WARS2: variants seen among roughly 807,000 people sequenced by gnomAD.
The protein encoded by WARS2 is tryptophan--tRNA ligase, mitochondrial.
WARS2 carries 28 observed loss-of-function variants against 36.5 expected under a neutral mutation model. The ratio of observed to expected loss-of-function variants is 0.77; its 90% CI spans 0.57 to 1.05. The LOEUF (loss-of-function observed/expected upper bound fraction) is 1.05, where lower values mean the gene tolerates loss of function less well. Among genes scored for constraint, WARS2 ranks in the 50% least tolerant of loss-of-function variants. The pLI is 0.00. For synonymous variants in WARS2, 174 were observed against 178.4 expected (o/e 0.98, Z 0.20); for missense variants, 435 against 456.8 (o/e 0.95, Z 0.44).
chr1:119,043,704 C>T (rs987113652), intron 3 of WARS2, among the ~76,000 whole-genome samples: 2 of 152,084 alleles, frequency 1.3e-5, no homozygotes, highest in African/African-American at 4.8e-5. Context: ...TGAAGAAGAA[C>T]CCAATTTTTA....
intron 1 of WARS2, among the ~76,000 whole-genome samples, chr1:119,123,118 A>G (rs587700291): frequency 6.6e-6 from 1 of 152,284 alleles, no homozygotes; most frequent in Non-Finnish European, 1.5e-5. Flanking sequence ...AGTGTTAAGA[A>G]CTCTGAGGAC....
At chr1:119,131,353 G>C (rs1656078462) in intron 1 of WARS2, among the ~76,000 whole-genome samples, 2 of 152,106 alleles carry the variant, frequency 1.3e-5, no homozygotes, top group Admixed American at 6.5e-5. Flanking sequence ...AAAGGGAGTA[G>C]CTCCGAGGAA....
intron 2 of WARS2, chr1:119,063,700 G>T (rs1650593410): frequency 1.3e-5 from 2 of 152,266 alleles, no homozygotes; most frequent in Admixed American, 1.3e-4. Context: ...GAGGGTGGAA[G>T]CCCCAAGCCT....
intron 1 of WARS2, among the ~76,000 whole-genome samples, chr1:119,131,273 A>G (rs1656072652): frequency 6.6e-6 from 1 of 152,152 alleles, no homozygotes; most frequent in Admixed American, 6.5e-5. Flanking sequence ...AAAGAATGAT[A>G]GAGTACAGAC....
Position 119,050,019 on chromosome 1 carries a change from AT to A in WARS2, c.349-4358del, listed in dbSNP as rs964651504. 3.9e-5 allele frequency among the ~76,000 whole-genome samples: 6 copies of A among 152,194 alleles called. No homozygotes were observed. In the East Asian group the frequency reaches 7.7e-4, roughly 20 times the overall value. On this transcript the variant is annotated intron_variant, in intron 2 of 5. Transcript: ENST00000235521. Reference sequence around the variant, plus strand: ...GCTCAAAATCTTTCATGTACTTTTCATTTTTTCAGCGTAAAAGCCAGAGTCC... The same window carrying A: ...GCTCAAAATCTTTCATGTACTTTTCATTTTTCAGCGTAAAAGCCAGAGTCC...
intron 1 of WARS2, among the ~76,000 whole-genome samples, chr1:119,117,313 C>T (rs1655037221): frequency 6.6e-6 from 1 of 152,202 alleles, no homozygotes; most frequent in South Asian, 2.1e-4. Context: ...TTGCCTAACC[C>T]TGCACCCACC....
intron 2 of WARS2, among the ~76,000 whole-genome samples, chr1:119,055,718 AAGG>A (rs776691321): frequency 1.3e-5 from 2 of 150,138 alleles, no homozygotes; most frequent in African/African-American, 2.4e-5. Context: ...AGAGAGAGAG[AAGG>A]AGGAGGAGGA....
chr1:119,083,719 A>C (rs2101363585), intron 1 of WARS2, among the ~76,000 whole-genome samples: 1 of 152,338 alleles, frequency 6.6e-6, no homozygotes, highest in Non-Finnish European at 1.5e-5. Flanking sequence ...GTTATACGTA[A>C]GTAAAGAATA....
rs1334384225 is a variant in WARS2, at chr1:119,076,349, C to A, written c.348+1G>T. 1 of 1,613,964 alleles carries A rather than the reference C, an allele frequency of 6.2e-7. No individual in the cohort carries two copies. ...TCTCAGTTCTAATCTGAGAAGCTGA[C>A]CTGAGATTGTTGGAAAAGGATGCTT... On this transcript the variant is annotated splice_donor_variant, in intron 2 of 5. Transcript: ENST00000235521. LOFTEE classifies it high-confidence loss of function.
At chr1:119,114,924 G>A (rs991716356) in intron 1 of WARS2, among the ~76,000 whole-genome samples, 1 of 152,122 alleles carries the variant, frequency 6.6e-6, no homozygotes, top group East Asian at 1.9e-4. Flanking sequence ...AATCTCAGAG[G>A]AGACTAGAAG....
Position 119,078,897 on chromosome 1 carries a change from CGTGT to C in WARS2, c.91-2294_91-2291del, listed in dbSNP as rs144044142. Among the ~76,000 whole-genome samples the C allele has an allele frequency of 5.5e-4, 81 of 148,404 alleles. 1 individual carries two copies. Among genetic ancestry groups the C allele is most frequent in the African/African-American group, 1.8e-3 (71 of 40,482 alleles). On this transcript the variant is annotated intron_variant, in intron 1 of 5. Coordinates refer to ENST00000235521, the MANE Select transcript of WARS2 (RefSeq NM_015836.4). Reference sequence around the variant, plus strand: ...AATACCCTGCAGTTATGAAGGTGCACGTGTGTGTGTGTGTGTGTGTGTGCATATA... The same window carrying C: ...AATACCCTGCAGTTATGAAGGTGCACGTGTGTGTGTGTGTGTGTGCATATA...
In WARS2 at chr1:119,113,870, T is replaced by A. The variant is rs4659149; in HGVS notation, c.90+26685A>T. On this transcript the variant is annotated intron_variant, in intron 1 of 5. Coordinates refer to ENST00000235521, the MANE Select transcript of WARS2 (RefSeq NM_015836.4). ...CTCTGTAATTCTTTCAGCACACCTC[T>A]AGCTCTTTTCATTTACAATAATTAA... Among the ~76,000 whole-genome samples, 11 of 151,786 alleles carry A rather than the reference T, an allele frequency of 7.2e-5. No individual in the cohort carries two copies. The East Asian group carries it at 1.2e-3, about 16-fold the overall frequency.
chr1:119,080,744 T>A (rs1486326930), intron 1 of WARS2, among the ~76,000 whole-genome samples: 4 of 151,012 alleles, frequency 2.6e-5, no homozygotes, highest in Non-Finnish European at 5.9e-5. Flanking sequence ...GAATGTGGAG[T>A]TTGGGTGGTG....
intron 2 of WARS2, among the ~76,000 whole-genome samples, chr1:119,059,958 A>G (rs1382082557): frequency 2.0e-5 from 3 of 152,230 alleles, no homozygotes; most frequent in Non-Finnish European, 4.4e-5. Flanking sequence ...AGGAAGAGGA[A>G]GAGGATCAGG....
chr1:119,129,965 G>A (rs587723637), intron 1 of WARS2, among the ~76,000 whole-genome samples: 263 of 152,170 alleles, frequency 1.7e-3, no homozygotes, highest in Non-Finnish European at 3.1e-3. Flanking sequence ...CATTTATCAA[G>A]GTGCAAAGAA....
At chr1:119,040,467 A>G (rs915137119) in intron 4 of WARS2, among the ~76,000 whole-genome samples, 1 of 152,202 alleles carries the variant, frequency 6.6e-6, no homozygotes, top group Non-Finnish European at 1.5e-5. Flanking sequence ...TTCTTATTCT[A>G]GTGCTGACAA....
chr1:119,061,391 G>T (rs1406468323), intron 2 of WARS2, among the ~76,000 whole-genome samples: 1 of 152,010 alleles, frequency 6.6e-6, no homozygotes, highest in African/African-American at 2.4e-5. Flanking sequence ...GGCCAATAAA[G>T]ATACTAGAAT....
Position 119,055,717 on chromosome 1 carries a change from G to T in WARS2, c.349-10055C>A, listed in dbSNP as rs73013174. ...AGAAAAGAAAGAAAGAAGAGAGAGA[G>T]AAGGAGGAGGAGGAGAAGAGGGAGG... On this transcript the variant is annotated intron_variant, in intron 2 of 5. Transcript: ENST00000235521. 3.4e-3 allele frequency among the ~76,000 whole-genome samples: 516 copies of T among 150,854 alleles called. 6 individuals carry two copies. Among genetic ancestry groups the T allele is most frequent in the African/African-American group, 0.012 (482 of 41,096 alleles).
Position 119,045,798 on chromosome 1 carries a change from C to A in WARS2, c.349-136G>T, listed in dbSNP as rs1008594683. 1.2e-5 allele frequency: 8 copies of A among 677,178 alleles called. No individual in the cohort carries two copies. In the African/African-American group the frequency reaches 1.4e-4, roughly 12 times the overall value. The allele number at this position is 677,178 out of a possible 1,614,324, so 41.9% of individuals were successfully genotyped here. On this transcript the variant is annotated intron_variant, in intron 2 of 5. Transcript: ENST00000235521. Reference sequence around the variant, plus strand: ...TTATTATAAGAACAGGTGAAGGGGGCTTAGTTCTGATTCATGAAGCATAGA... The same window carrying A: ...TTATTATAAGAACAGGTGAAGGGGGATTAGTTCTGATTCATGAAGCATAGA...
Sources: allele counts gnomAD v4.1 joint callset (sites outside exome capture counted in the v4.1 genomes callset), GRCh38; gene constraint gnomAD v4.1.1; transcripts MANE v1.5; gene names NCBI Gene and HGNC (gene_info 2026-07-23, HGNC 2026-07-21).